The following NT5C2 variants were observed in gnomAD, a reference collection of about 807,000 sequenced individuals.
NT5C2 encodes the protein cytosolic purine 5'-nucleotidase.
A neutral mutation model predicts 76.1 loss-of-function variants in NT5C2; 58 were observed. The ratio of observed to expected loss-of-function variants is 0.76; its 90% CI spans 0.62 to 0.95. NT5C2 has a LOEUF of 0.95. Ranked by LOEUF, NT5C2 falls within the 40% of genes least tolerant of loss-of-function variation. The probability of loss-of-function intolerance (pLI) is 0.00; values close to 1 mark genes in which losing one functional copy is unlikely to be tolerated. For synonymous variants in NT5C2, 229 were observed against 237.4 expected, an observed-to-expected ratio of 0.96 and a Z score of 0.32; for missense variants, 478 against 690.3, an observed-to-expected ratio of 0.69 and a Z score of 3.45.
intron 4 of NT5C2, among the ~76,000 whole-genome samples, chr10:103,116,064 C>G (rs1320934059): frequency 6.6e-6 from 1 of 151,994 alleles, no homozygotes; most frequent in Non-Finnish European, 1.5e-5. Flanking sequence ...GCTAAAATAA[C>G]AAGGACTATA....
intron 1 of NT5C2, among the ~76,000 whole-genome samples, chr10:103,183,663 T>C (rs973612994): frequency 3.3e-5 from 5 of 151,114 alleles, no homozygotes; most frequent in African/African-American, 9.7e-5. Flanking sequence ...CACACACACA[T>C]ATATATATAC....
intron 3 of NT5C2, among the ~76,000 whole-genome samples, chr10:103,155,067 A>T (rs1359783483): frequency 3.9e-5 from 6 of 152,236 alleles, no homozygotes; most frequent in African/African-American, 7.2e-5. Context: ...AAAGATGATT[A>T]GCTCTTTCAA....
At chr10:103,113,436 T>C (rs1013987141) in intron 4 of NT5C2, among the ~76,000 whole-genome samples, 30 of 152,220 alleles carry the variant, frequency 2.0e-4, no homozygotes, top group African/African-American at 7.2e-4. Flanking sequence ...TTGAAATAAC[T>C]TTTAAAAATC....
At chr10:103,128,067 CCCTCTCCCTCT>C (rs2077026293) in intron 4 of NT5C2, among the ~76,000 whole-genome samples, 1 of 150,130 alleles carries the variant, frequency 6.7e-6, no homozygotes. Flanking sequence ...CTCTCCCTCT[CCCTCTCCCTCT>C]CCCTCTCCCT....
intron 4 of NT5C2, among the ~76,000 whole-genome samples, chr10:103,130,583 T>TA (rs5787482): frequency 0.57 from 78,022 of 137,114 alleles, 21,927 homozygotes; most frequent in South Asian, 0.67. Flanking sequence ...AAATAAAAAT[T>TA]AAAAAAAAAA....
chr10:103,109,038 G>A (rs1020724626), intron 4 of NT5C2, among the ~76,000 whole-genome samples: 1 of 151,688 alleles, frequency 6.6e-6, no homozygotes, highest in Non-Finnish European at 1.5e-5. Flanking sequence ...TAGTTGAGAC[G>A]GGGGTTTCAC....
At chr10:103,179,165 T>A (rs987223615) in intron 2 of NT5C2, among the ~76,000 whole-genome samples, 3 of 151,824 alleles carry the variant, frequency 2.0e-5, no homozygotes, top group Non-Finnish European at 4.4e-5. Flanking sequence ...GTCAGGCTGG[T>A]GCCAAACTCC....
chr10:103,100,446 C>G (rs2069281552), intron 8 of NT5C2, among the ~76,000 whole-genome samples: 1 of 152,016 alleles, frequency 6.6e-6, no homozygotes, highest in Non-Finnish European at 1.5e-5. Context: ...AGCTTTCCAC[C>G]AAATTTAGTG....
At chr10:103,172,373 C>T (rs1263218747) in intron 3 of NT5C2, among the ~76,000 whole-genome samples, 5 of 150,732 alleles carry the variant, frequency 3.3e-5, no homozygotes, top group Admixed American at 1.3e-4. Flanking sequence ...CTCAGCCTCC[C>T]GAGTAGCTGG....
At chr10:103,104,448 G>A (rs1377734478) in intron 6 of NT5C2, among the ~76,000 whole-genome samples, 1 of 152,122 alleles carries the variant, frequency 6.6e-6, no homozygotes, top group Admixed American at 6.5e-5. Context: ...GAGATTCTGA[G>A]TTATGATGAC....
At chr10:103,186,738 C>A (rs1048407461) in intron 1 of NT5C2, among the ~76,000 whole-genome samples, 2 of 151,442 alleles carry the variant, frequency 1.3e-5, no homozygotes, top group African/African-American at 4.9e-5. Flanking sequence ...CACAGTGAAA[C>A]CCCGTCTCTA....
At chr10:103,093,363 T>C in intron 14 of NT5C2, 54 bp from the exon 15 acceptor site, 1 of 1,415,542 alleles carries the variant, frequency 7.1e-7, no homozygotes, top group South Asian at 1.5e-5. Context: ...AAATCAGCAT[T>C]CCAATAGTAT....
intron 4 of NT5C2, among the ~76,000 whole-genome samples, chr10:103,136,016 G>A (rs1460431640): frequency 1.3e-5 from 2 of 152,148 alleles, no homozygotes; most frequent in Non-Finnish European, 2.9e-5. Context: ...GAACCTGGGA[G>A]GCACAGGTTG....
intron 3 of NT5C2, among the ~76,000 whole-genome samples, chr10:103,167,082 C>G (rs2134349364): frequency 6.6e-6 from 1 of 151,574 alleles, no homozygotes; most frequent in South Asian, 2.1e-4. Flanking sequence ...GTGGTAAAAT[C>G]TCAGCTCACT....
At chr10:103,105,478 T>C (rs1413771818) in intron 6 of NT5C2, 2 of 573,118 alleles carry the variant, frequency 3.5e-6, no homozygotes, top group Non-Finnish European at 5.8e-6. Context: ...TTTTGTTGTA[T>C]GCTGTATAAT....
At chr10:103,174,139 G>A (rs2089161553) in intron 3 of NT5C2, among the ~76,000 whole-genome samples, 1 of 151,738 alleles carries the variant, frequency 6.6e-6, no homozygotes, top group South Asian at 2.1e-4. Flanking sequence ...GGGTGTGGTG[G>A]CTCAAGCCTA....
intron 2 of NT5C2, chr10:103,175,726 G>C (rs940815995): frequency 3.7e-6 from 1 of 268,056 alleles, no homozygotes; most frequent in Non-Finnish European, 7.0e-6. Flanking sequence ...TGAGGCAGCC[G>C]GGGCCACTGG....
At chr10:103,129,281 C>G (rs1591216209) in intron 4 of NT5C2, among the ~76,000 whole-genome samples, 1 of 113,404 alleles carries the variant, frequency 8.8e-6, no homozygotes, top group Admixed American at 7.9e-5. Flanking sequence ...GGCCAGCCGC[C>G]CCGTCCGGGA....
intron 4 of NT5C2, among the ~76,000 whole-genome samples, chr10:103,134,467 C>T (rs1283792758): frequency 1.3e-5 from 2 of 152,232 alleles, no homozygotes; most frequent in Non-Finnish European, 2.9e-5. Flanking sequence ...TGCAAGTGCA[C>T]AGAAGTCAAA....
Sources: allele counts gnomAD v4.1 joint callset (sites outside exome capture counted in the v4.1 genomes callset), GRCh38; gene constraint gnomAD v4.1.1; transcripts MANE v1.5; gene names NCBI Gene and HGNC (gene_info 2026-07-23, HGNC 2026-07-21).